The following CTNND2 variants were observed in gnomAD, a reference collection of about 807,000 sequenced individuals.
CTNND2 encodes the protein catenin delta-2.
A neutral mutation model predicts 144.4 loss-of-function variants in CTNND2; 22 were observed. The observed-to-expected ratio is 0.15, with a 90% confidence interval of 0.11 to 0.22. The LOEUF is 0.22. CTNND2 is among the 10% of genes least tolerant of loss of function. CTNND2 has a pLI of 1.00. For synonymous variants in CTNND2, 751 were observed against 695.6 expected (o/e 1.08, Z -1.25); for missense variants, 1,353 against 1,618.8 (o/e 0.84, Z 2.82).
At chr5:11,893,905 G>C (rs946952471) in intron 1 of CTNND2, among the ~76,000 whole-genome samples, 6 of 152,112 alleles carry the variant, frequency 3.9e-5, no homozygotes, top group African/African-American at 1.4e-4. Context: ...ACGAAGATTA[G>C]CATCCCCTCT....
chr5:11,593,387 T>C (rs1779353749), intron 2 of CTNND2, among the ~76,000 whole-genome samples: 1 of 152,130 alleles, frequency 6.6e-6, no homozygotes, highest in South Asian at 2.1e-4. Context: ...AAGGGTAAAA[T>C]ACTTAACAAG....
intron 11 of CTNND2, among the ~76,000 whole-genome samples, chr5:11,168,985 AC>A (rs1407202807): frequency 6.6e-6 from 1 of 152,174 alleles, no homozygotes; most frequent in East Asian, 1.9e-4. Context: ...CCATGCTGAG[AC>A]TGATCAAAAA....
rs1274449033 is a variant in CTNND2, at chr5:11,346,507, T to C, written c.1493A>G (p.Asn498Ser). The change falls in exon 9 of 22, where the codon AAT (asparagine) becomes AGT (serine). Residue 498 changes from asparagine (N) to serine (S), a missense_variant. Transcript: ENST00000304623. ...RASYAAGPAS[N>S]YADPYRQLQY... ...CAGCTGTCGGTAGGGGTCCGCGTAA[T>C]TGGAGGCTGGGCCGGCGGCATAGCT... 6.8e-6 allele frequency: 11 copies of C among 1,606,122 alleles called. No individual in the cohort carries two copies. Among genetic ancestry groups the C allele is most frequent in the East Asian group, 2.3e-5 (1 of 44,110 alleles).
rs181398637 is a variant in CTNND2 at position 11,184,394 on chromosome 5, G to A, written c.1975+15054C>T. 2.7e-4 allele frequency among the ~76,000 whole-genome samples: 41 copies of A among 152,238 alleles called. 1 individual carries two copies. The East Asian group carries it at 5.8e-3, about 21-fold the overall frequency. On this transcript the variant is annotated intron_variant, in intron 11 of 21. Coordinates refer to ENST00000304623, the MANE Select transcript of CTNND2 (RefSeq NM_001332.4). ...GAAAATAAATTTGTGAACAGAGCAG[G>A]TATGCCACTTGAAAACAGAATTGCA...
chr5:11,342,520 T>C (rs1002041631), intron 9 of CTNND2, among the ~76,000 whole-genome samples: 1 of 152,220 alleles, frequency 6.6e-6, no homozygotes, highest in Non-Finnish European at 1.5e-5. Context: ...AAAAGTGAGA[T>C]TCTTTAAGCA....
chr5:11,353,781 C>T (rs1379070498), intron 8 of CTNND2, among the ~76,000 whole-genome samples: 1 of 148,604 alleles, frequency 6.7e-6, no homozygotes, highest in African/African-American at 2.5e-5. Flanking sequence ...CTGGCCTGGG[C>T]GACAAGAGCA....
chr5:11,707,104 A>G (rs536131625), intron 2 of CTNND2, among the ~76,000 whole-genome samples: 2 of 151,878 alleles, frequency 1.3e-5, no homozygotes, highest in Non-Finnish European at 2.9e-5. Flanking sequence ...AAAAAAAGAA[A>G]GTGAAAATTA....
chr5:11,898,149 AT>A (rs1737551187), intron 1 of CTNND2, among the ~76,000 whole-genome samples: 1 of 152,168 alleles, frequency 6.6e-6, no homozygotes, highest in African/African-American at 2.4e-5. Flanking sequence ...CAAAACTGAT[AT>A]TTTTGCCCAT....
chr5:11,052,738 T>A (rs1236258377), intron 16 of CTNND2, among the ~76,000 whole-genome samples: 2 of 152,056 alleles, frequency 1.3e-5, no homozygotes, highest in South Asian at 4.2e-4. Flanking sequence ...GTGTTGATGA[T>A]CTTTAGGGCG....
chr5:11,288,654 T>C (rs138565113), intron 9 of CTNND2, among the ~76,000 whole-genome samples: 2,171 of 152,264 alleles, frequency 0.014, 25 homozygotes, highest in Middle Eastern at 0.037. Flanking sequence ...ATTCTCATTA[T>C]GGAAATGCAG....
At position 11,903,861 on chromosome 5, in the gene CTNND2, C is replaced by T; in HGVS notation, c.-8G>A. On this transcript the variant is annotated 5_prime_UTR_variant, in exon 1 of 22. Transcript: ENST00000304623. The surrounding 1 kb of genome is among the most constrained non-coding windows in gnomAD (Gnocchi z 5.4). ...CGGCTTCCTCGCAAACATGCACCCT[C>T]CGCCGGCGACAGCTCCTCAGTCCGG... is the stretch of plus-strand genomic sequence containing the variant. 1 of 1,480,224 alleles carries T rather than the reference C, an allele frequency of 6.8e-7. No individual in the cohort carries two copies. Among genetic ancestry groups the T allele is most frequent in the Non-Finnish European group, 8.9e-7 (1 of 1,120,996 alleles). 91.7% of individuals were successfully genotyped at this position (1,480,224 alleles called of 1,614,324 possible).
chr5:11,620,491 A>C (rs941991027), intron 2 of CTNND2, among the ~76,000 whole-genome samples: 33 of 152,316 alleles, frequency 2.2e-4, no homozygotes, highest in African/African-American at 7.9e-4. Flanking sequence ...TTCTTCCTTC[A>C]TACAGAAAGC....
chr5:11,228,488 A>ATT lies in CTNND2; in HGVS notation c.1761+8201_1761+8202dup, dbSNP rs1216853512. 2.0e-3 allele frequency among the ~76,000 whole-genome samples: 269 copies of ATT among 131,998 alleles called. 2 individuals carry two copies. Among genetic ancestry groups the ATT allele is most frequent in the South Asian group, 7.9e-3 (31 of 3,942 alleles). The allele number at this position is 131,998 out of a possible 152,430, so 86.6% of individuals were successfully genotyped here. ...TTATTTTCTGTCCTGCAGGTTATGG[A>ATT]TTTTTTTTTTTTTTTGAGACAGAGT... is the stretch of plus-strand genomic sequence containing the variant. On this transcript the variant is annotated intron_variant, in intron 10 of 21. Transcript: ENST00000304623.
chr5:11,825,969 A>T (rs185083849), intron 1 of CTNND2, among the ~76,000 whole-genome samples: 101 of 152,220 alleles, frequency 6.6e-4, no homozygotes, highest in African/African-American at 2.3e-3. Flanking sequence ...TCTTGCCAAC[A>T]GACATGCAAC....
intron 12 of CTNND2, among the ~76,000 whole-genome samples, chr5:11,121,408 A>T (rs1222834127): frequency 6.6e-6 from 1 of 152,246 alleles, no homozygotes; most frequent in African/African-American, 2.4e-5. Context: ...ATGCATAAAC[A>T]TAGTATTAAA....
At chr5:11,445,361 T>C (rs1561405045) in intron 3 of CTNND2, among the ~76,000 whole-genome samples, 1 of 152,184 alleles carries the variant, frequency 6.6e-6, no homozygotes, top group Non-Finnish European at 1.5e-5. Flanking sequence ...AAGCCTCTAT[T>C]TCCAATTAAG....
intron 1 of CTNND2, among the ~76,000 whole-genome samples, chr5:11,765,306 G>A (rs1331176658): frequency 1.3e-5 from 2 of 152,220 alleles, no homozygotes; most frequent in African/African-American, 4.8e-5. Flanking sequence ...ACGAGCAGAA[G>A]CCGCTCAGGG....
intron 3 of CTNND2, among the ~76,000 whole-genome samples, chr5:11,544,867 C>A (rs1775076439): frequency 6.6e-6 from 1 of 151,982 alleles, no homozygotes; most frequent in Admixed American, 6.6e-5. Flanking sequence ...GCCTGAAATC[C>A]CAGCACTTTG....
At chr5:11,858,199 C>A (rs1235850441) in intron 1 of CTNND2, among the ~76,000 whole-genome samples, 1 of 152,166 alleles carries the variant, frequency 6.6e-6, no homozygotes, top group Non-Finnish European at 1.5e-5. Context: ...CCCTAGACAC[C>A]TTCTTAAAGA....
Sources: allele counts gnomAD v4.1 joint callset (sites outside exome capture counted in the v4.1 genomes callset), GRCh38; gene constraint gnomAD v4.1.1; non-coding constraint Gnocchi (gnomAD v3.1); transcripts MANE v1.5; gene names NCBI Gene and HGNC (gene_info 2026-07-23, HGNC 2026-07-21).